Variants in MYT1L observed in about 807,000 individuals in gnomAD.
MYT1L encodes the protein myelin transcription factor 1-like protein.
In MYT1L, 12 loss-of-function variants were observed where a neutral mutation model predicts 126.7. That is an observed-to-expected ratio of 0.09 (90% confidence interval 0.06 to 0.15). The LOEUF is 0.15. Ranked by LOEUF, MYT1L falls within the 10% of genes least tolerant of loss-of-function variation. The pLI is 1.00. For missense variants in MYT1L, 979 were observed against 1,585.2 expected (o/e 0.62, Z 6.49); for synonymous variants, 541 against 604.2 (o/e 0.90, Z 1.53).
chr2:1,863,967 G>T (rs1304572393), intron 18 of MYT1L, among the ~76,000 whole-genome samples: 1 of 152,200 alleles, frequency 6.6e-6, no homozygotes, highest in East Asian at 1.9e-4. Context: ...CTCAGGAGAG[G>T]AGCTCAAGGA....
chr2:2,028,359 C>T (rs529555211), intron 4 of MYT1L, among the ~76,000 whole-genome samples: 5 of 152,284 alleles, frequency 3.3e-5, no homozygotes, highest in Non-Finnish European at 7.3e-5. Context: ...ATGCCTAAAG[C>T]AGTGTCAGGA....
intron 4 of MYT1L, among the ~76,000 whole-genome samples, chr2:2,029,968 T>G (rs1196979039): frequency 6.6e-6 from 1 of 152,204 alleles, no homozygotes; most frequent in Non-Finnish European, 1.5e-5. Context: ...TCTTATAGAG[T>G]TCCAGTTACA....
intron 3 of MYT1L, among the ~76,000 whole-genome samples, chr2:2,170,908 A>G (rs2089958450): frequency 6.6e-6 from 1 of 152,216 alleles, no homozygotes; most frequent in African/African-American, 2.4e-5. Context: ...TGAGGACTGA[A>G]TGAAGAGAGT....
intron 8 of MYT1L, among the ~76,000 whole-genome samples, chr2:1,969,391 C>T (rs1425319527): frequency 6.6e-6 from 1 of 152,258 alleles, no homozygotes; most frequent in Non-Finnish European, 1.5e-5. Context: ...TCTAAAAATG[C>T]TGTCTCATTA....
chr2:2,227,565 A>C (rs971533872), intron 2 of MYT1L, among the ~76,000 whole-genome samples: 1 of 152,160 alleles, frequency 6.6e-6, no homozygotes, highest in Non-Finnish European at 1.5e-5. Context: ...CCAGCCCTGC[A>C]CTGCTCCTGT....
rs537138320 is a variant in MYT1L, at chr2:2,111,197, C to G, written c.-303-57074G>C. ...TAGCCCTGCTCACTGGTCCCTGTAA[C>G]AGCAAAAAGACTCTAAGCTGTACAC... On this transcript the variant is annotated intron_variant, in intron 3 of 24. Coordinates refer to ENST00000647738, the MANE Select transcript of MYT1L (RefSeq NM_001303052.2). 3.7e-4 allele frequency among the ~76,000 whole-genome samples: 57 copies of G among 152,306 alleles called. No homozygotes were observed. In the South Asian group the frequency reaches 0.011, roughly 30 times the overall value.
intron 2 of MYT1L, among the ~76,000 whole-genome samples, chr2:2,236,617 C>A (rs1222871607): frequency 1.4e-5 from 2 of 148,034 alleles, no homozygotes; most frequent in Admixed American, 6.8e-5. Flanking sequence ...CACATCCCAA[C>A]CCAGCCCAGC....
chr2:1,795,560 C>T (rs2033286789), intron 23 of MYT1L: 1 of 152,382 alleles, frequency 6.6e-6, no homozygotes, highest in Admixed American at 6.5e-5. Context: ...GAAGGCATCC[C>T]TGATCACAGG....
chr2:1,854,815 G>A (rs780741028), intron 18 of MYT1L, among the ~76,000 whole-genome samples: 1 of 152,262 alleles, frequency 6.6e-6, no homozygotes, highest in East Asian at 1.9e-4. Flanking sequence ...GCCTGACGTC[G>A]TCTCCTTCTC....
At chr2:2,297,781 G>A (rs537039346) in intron 1 of MYT1L, among the ~76,000 whole-genome samples, 1 of 152,034 alleles carries the variant, frequency 6.6e-6, no homozygotes, top group Non-Finnish European at 1.5e-5. Context: ...AAAATAAAGG[G>A]AATGTCTTTG....
chr2:1,884,859 G>T (rs2047976640), intron 18 of MYT1L, among the ~76,000 whole-genome samples: 1 of 152,298 alleles, frequency 6.6e-6, no homozygotes, highest in African/African-American at 2.4e-5. Context: ...CGGCTCCCTC[G>T]GAAAATGCTA....
intron 3 of MYT1L, among the ~76,000 whole-genome samples, chr2:2,164,828 T>A (rs556312631): frequency 6.6e-6 from 1 of 152,326 alleles, no homozygotes; most frequent in South Asian, 2.1e-4. Flanking sequence ...AGGACTGCAT[T>A]CCATGTACAC....
At chr2:2,323,922 A>T (rs2096210144) in intron 1 of MYT1L, 1 of 152,198 alleles carries the variant, frequency 6.6e-6, no homozygotes, top group Admixed American at 6.5e-5. Flanking sequence ...GCTGGTCTCG[A>T]TGCACGGTTT....
chr2:2,279,638 A>AAC (rs2095420219), intron 2 of MYT1L, among the ~76,000 whole-genome samples: 1 of 151,530 alleles, frequency 6.6e-6, no homozygotes, highest in African/African-American at 2.4e-5. Context: ...AATGTCAACC[A>AAC]ACACCTGTTC....
At chr2:2,209,265 C>A (rs1418547949) in intron 2 of MYT1L, among the ~76,000 whole-genome samples, 2 of 152,136 alleles carry the variant, frequency 1.3e-5, no homozygotes, top group African/African-American at 4.8e-5. Context: ...CAATCATACT[C>A]TTTTAGCTAT....
At chr2:1,965,945 CT>C (rs2059321665) in intron 8 of MYT1L, among the ~76,000 whole-genome samples, 1 of 152,260 alleles carries the variant, frequency 6.6e-6, no homozygotes, top group African/African-American at 2.4e-5. Context: ...CCGGGTGGCC[CT>C]GTGAGGGCAC....
chr2:2,078,104 G>A (rs1340874565), intron 3 of MYT1L, among the ~76,000 whole-genome samples: 1 of 152,152 alleles, frequency 6.6e-6, no homozygotes, highest in Non-Finnish European at 1.5e-5. Flanking sequence ...TTGAAACAAA[G>A]TTAGTATTAG....
chr2:2,046,154 C>A (rs989374513), intron 4 of MYT1L, among the ~76,000 whole-genome samples: 6 of 152,212 alleles, frequency 3.9e-5, no homozygotes, highest in Non-Finnish European at 8.8e-5. Flanking sequence ...TTTTCTCCCC[C>A]CAGGCACCTA....
At chr2:2,255,955 T>G (rs1387895809) in intron 2 of MYT1L, among the ~76,000 whole-genome samples, 4 of 152,202 alleles carry the variant, frequency 2.6e-5, no homozygotes, top group African/African-American at 9.6e-5. Context: ...AGCCTTGCTT[T>G]GCTCCCTGGT....
Sources: gnomAD v4.1 joint callset for allele counts (sites outside exome capture counted in the v4.1 genomes callset) on GRCh38, gnomAD v4.1.1 for gene constraint, MANE v1.5 for transcripts, NCBI Gene and HGNC (gene_info 2026-07-23, HGNC 2026-07-21) for gene names.